The following PRORP variants were observed in gnomAD, a reference collection of about 807,000 sequenced individuals.
The protein encoded by PRORP is mitochondrial ribonuclease P catalytic subunit.
Under a neutral mutation model 59.4 loss-of-function variants are expected in PRORP, and 51 were observed. The observed-to-expected ratio is 0.86, with a 90% CI of 0.69 to 1.08. PRORP has a LOEUF of 1.08. PRORP is among the 50% of genes least tolerant of loss of function. The pLI, the probability that PRORP is intolerant of heterozygous loss-of-function variation, is 0.00. For missense variants in PRORP, 646 were observed against 690.3 expected (o/e 0.94, Z 0.72); for synonymous variants, 231 against 245.6 (o/e 0.94, Z 0.55).
Position 35,267,520 on chromosome 14 carries a change from C to T in PRORP, c.1424+645C>T, listed in dbSNP as rs111430181. 3.9e-5 allele frequency among the ~76,000 whole-genome samples: 6 copies of T among 152,262 alleles called. 1 individual carries two copies. The highest frequency in any genetic ancestry group is 1.4e-4 in the African/African-American group (6 of 41,558). On this transcript the variant is annotated intron_variant, in intron 6 of 7. Coordinates refer to ENST00000534898, the MANE Select transcript of PRORP (RefSeq NM_014672.4). Reference sequence around the variant, plus strand: ...AAAAAGCCCCGATGCAGGCCGGGCTCAGCCTGTAATCCCAACACTTTGGGA... The same window carrying T: ...AAAAAGCCCCGATGCAGGCCGGGCTTAGCCTGTAATCCCAACACTTTGGGA...
chr14:35,206,398 T>C (rs1007157084), intron 5 of PRORP, among the ~76,000 whole-genome samples: 1 of 152,188 alleles, frequency 6.6e-6, no homozygotes, highest in African/African-American at 2.4e-5. Context: ...TGGAGGAAGA[T>C]AATCACGATA....
chr14:35,224,949 A>G (rs1434212462), intron 5 of PRORP, among the ~76,000 whole-genome samples: 2 of 152,114 alleles, frequency 1.3e-5, no homozygotes, highest in East Asian at 3.9e-4. Flanking sequence ...GTCCAGGGTT[A>G]GACGAATGAT....
intron 4 of PRORP, among the ~76,000 whole-genome samples, chr14:35,148,602 A>G (rs1366135003): frequency 1.3e-5 from 2 of 152,198 alleles, no homozygotes; most frequent in Non-Finnish European, 2.9e-5. Flanking sequence ...CAATAAAGTC[A>G]CCAGCTGTAT....
At chr14:35,122,484 CG>C (rs759762832), upstream of PRORP, 13 of 155,698 alleles carry the variant, frequency 8.3e-5, no homozygotes, top group Non-Finnish European at 1.6e-4. Context: ...CCGGGCCAGG[CG>C]GAACGCCTAA....
rs147158460 is a variant in PRORP, at chr14:35,246,486, A to G, written c.1276-20241A>G. 2.5e-3 allele frequency among the ~76,000 whole-genome samples: 380 copies of G among 152,194 alleles called. 2 individuals are homozygous for G. The highest frequency in any genetic ancestry group is 8.6e-3 in the African/African-American group (356 of 41,512). On this transcript the variant is annotated intron_variant, in intron 5 of 7. Transcript: ENST00000534898. ...CATTAAGTCTTACTCCTTTACTTCC[A>G]GTTCTGGAGTCTTTTGAAAATTGGG...
chr14:35,220,185 T>G (rs2049734620), intron 5 of PRORP, among the ~76,000 whole-genome samples: 1 of 152,234 alleles, frequency 6.6e-6, no homozygotes, highest in Non-Finnish European at 1.5e-5. Context: ...TATACCACCA[T>G]GTCCCCTATC....
intron 5 of PRORP, among the ~76,000 whole-genome samples, chr14:35,263,529 A>G (rs1318493664): frequency 2.2e-5 from 3 of 136,500 alleles, no homozygotes; most frequent in Non-Finnish European, 4.9e-5. Flanking sequence ...TCTACTAAAA[A>G]TACAAAAATT....
chr14:35,146,554 G>A (rs2047615436), intron 4 of PRORP, among the ~76,000 whole-genome samples: 1 of 152,060 alleles, frequency 6.6e-6, no homozygotes, highest in African/African-American at 2.4e-5. Context: ...TCTCTAAAAT[G>A]AACTGTGGGT....
At chr14:35,264,542 G>A (rs1054185307) in intron 5 of PRORP, among the ~76,000 whole-genome samples, 12 of 152,012 alleles carry the variant, frequency 7.9e-5, no homozygotes, top group Non-Finnish European at 1.6e-4. Flanking sequence ...ACAGATGTGA[G>A]CCACCATACC....
chr14:35,156,552 C>T (rs756817472), intron 4 of PRORP, among the ~76,000 whole-genome samples: 6 of 152,154 alleles, frequency 3.9e-5, no homozygotes, highest in Non-Finnish European at 7.3e-5. Context: ...CAAAAGCAGG[C>T]TTCTCTCTAG....
chr14:35,255,929 TG>T (rs2050739861), intron 5 of PRORP, among the ~76,000 whole-genome samples: 1 of 152,110 alleles, frequency 6.6e-6, no homozygotes. Context: ...CTCAGAAATA[TG>T]AGTCATTTAT....
rs1369722815 is a variant in PRORP, at chr14:35,144,043, G to C, written c.1167+16432G>C. On this transcript the variant is annotated intron_variant, in intron 4 of 7. Transcript: ENST00000534898. The stretch of plus-strand genomic sequence containing the variant: ...AGTTTAGGTTATCCCAGTTTTACTG[G>C]CAACATCCAAAACATCATAGTTAGG... 2.0e-5 allele frequency: 3 copies of C among 149,010 alleles called. 1 individual carries two copies. Among genetic ancestry groups the C allele is most frequent in the Non-Finnish European group, 3.0e-5 (2 of 67,486 alleles). 9.2% of individuals were successfully genotyped at this position (149,010 alleles called of 1,614,324 possible). A position where few individuals can be genotyped will look rare whatever the true frequency, so the allele number is the denominator to read the frequency against.
At chr14:35,207,889 C>T (rs527721749) in intron 5 of PRORP, among the ~76,000 whole-genome samples, 3 of 152,212 alleles carry the variant, frequency 2.0e-5, no homozygotes, top group South Asian at 2.1e-4. Flanking sequence ...CGGTGGCTCA[C>T]GCCTGTAATC....
At chr14:35,205,566 C>T (rs535529159) in intron 5 of PRORP, among the ~76,000 whole-genome samples, 1 of 152,270 alleles carries the variant, frequency 6.6e-6, no homozygotes, top group African/African-American at 2.4e-5. Context: ...AAGCAATCCT[C>T]CCACCTTGGC....
At chr14:35,223,456 C>CT (rs5807819) in intron 5 of PRORP, among the ~76,000 whole-genome samples, 30 of 81,396 alleles carry the variant, frequency 3.7e-4, no homozygotes, top group East Asian at 1.6e-3. Context: ...TAGACTTTAA[C>CT]TTTTTTTTTT....
intron 5 of PRORP, among the ~76,000 whole-genome samples, chr14:35,227,094 G>C (rs1246946929): frequency 6.6e-6 from 1 of 151,740 alleles, no homozygotes; most frequent in Non-Finnish European, 1.5e-5. Context: ...TCTAAAATCA[G>C]ATTTCTTCCT....
chr14:35,134,065 G>A (rs2047315657), intron 4 of PRORP, among the ~76,000 whole-genome samples: 2 of 152,156 alleles, frequency 1.3e-5, no homozygotes, highest in Admixed American at 1.3e-4. Context: ...TTCCCTTCAG[G>A]GCGACAAGTT....
At chr14:35,255,008 C>T (rs1162067614) in intron 5 of PRORP, among the ~76,000 whole-genome samples, 1 of 152,152 alleles carries the variant, frequency 6.6e-6, no homozygotes. Flanking sequence ...ACTTCCCTGA[C>T]CACCCTCCTC....
chr14:35,234,795 C>T (rs2050166943), intron 5 of PRORP, among the ~76,000 whole-genome samples: 2 of 151,532 alleles, frequency 1.3e-5, no homozygotes, highest in Non-Finnish European at 2.9e-5. Flanking sequence ...TCCTCCCACC[C>T]AGCTCCCAGA....
Sources: allele counts gnomAD v4.1 joint callset (sites outside exome capture counted in the v4.1 genomes callset), GRCh38; gene constraint gnomAD v4.1.1; transcripts MANE v1.5; gene names NCBI Gene and HGNC (gene_info 2026-07-23, HGNC 2026-07-21).